The following POLA1 variants were observed in gnomAD, a reference collection of about 807,000 sequenced individuals.
POLA1 encodes the protein DNA polymerase alpha 1, catalytic subunit, also known as DNA polymerase alpha catalytic subunit.
POLA1 carries 15 observed loss-of-function variants against 124.0 expected under a neutral mutation model. That is an observed-to-expected ratio of 0.12 (90% CI 0.08 to 0.19). The LOEUF (loss-of-function observed/expected upper bound fraction) is 0.19. Ranked by LOEUF, POLA1 falls within the 10% of genes least tolerant of loss-of-function variation. The pLI is 1.00. For synonymous variants in POLA1, 408 were observed against 389.4 expected (o/e 1.05, Z -0.56); for missense variants, 886 against 1,103.4 (o/e 0.80, Z 2.79).
chrX:24,908,254 T>A (rs1354456006), intron 35 of POLA1, among the ~76,000 whole-genome samples: 5 of 111,023 alleles, frequency 4.5e-5, no homozygotes, highest in Non-Finnish European at 7.6e-5. Flanking sequence ...AATTTCTTTT[T>A]TTATTATTAT....
chrX:24,727,248 A>G (rs939631939), intron 14 of POLA1, among the ~76,000 whole-genome samples, 177 bp downstream of exon 14: 4 of 111,177 alleles, frequency 3.6e-5, no homozygotes, highest in Non-Finnish European at 5.7e-5. Flanking sequence ...TATCTCGGTA[A>G]TGCCTGGCGG....
At chrX:24,772,895 C>T (rs748914111) in intron 26 of POLA1, among the ~76,000 whole-genome samples, 26 of 111,829 alleles carry the variant, frequency 2.3e-4, no homozygotes, top group Non-Finnish European at 4.3e-4. Context: ...TTCATTGCAG[C>T]ACTATTCACA....
At chrX:24,843,512 G>A in intron 33 of POLA1, 34 bp from the exon 34 acceptor site, 1 of 1,110,067 alleles carries the variant, frequency 9.0e-7, no homozygotes, top group Non-Finnish European at 1.2e-6. Flanking sequence ...TAGCCTCACA[G>A]TAATTTTTTG....
At chrX:24,958,267 A>C (rs766870669) in intron 36 of POLA1, among the ~76,000 whole-genome samples, 5 of 111,504 alleles carry the variant, frequency 4.5e-5, no homozygotes, top group African/African-American at 1.6e-4. Flanking sequence ...CCCTGCTCCC[A>C]CTTCTCCTTT....
intron 4 of POLA1, among the ~76,000 whole-genome samples, chrX:24,712,731 A>T (rs1929545379): frequency 9.0e-6 from 1 of 111,446 alleles, no homozygotes; most frequent in Non-Finnish European, 1.9e-5. Context: ...GTTTTTGTAA[A>T]GTTTCATTTT....
chrX:24,699,799 G>T (rs778598506), intron 2 of POLA1, among the ~76,000 whole-genome samples: 56 of 109,107 alleles, frequency 5.1e-4, no homozygotes, highest in South Asian at 2.5e-3. Context: ...AAAGTACATA[G>T]TCATATCTAT....
chrX:24,993,157 C>T (rs1229209000), intron 36 of POLA1, among the ~76,000 whole-genome samples: 2 of 112,477 alleles, frequency 1.8e-5, no homozygotes, highest in Non-Finnish European at 3.8e-5. Flanking sequence ...AGGAGATTAG[C>T]TTTGCTGATG....
rs143099073 is a variant in POLA1 at position 24,847,690 on chromosome X, A to G, written c.4047+4013A>G. Among the ~76,000 whole-genome samples the G allele has an allele frequency of 6.3e-4, 71 of 112,225 alleles. 1 individual carries two copies. The highest frequency in any genetic ancestry group is 1.1e-3 in the Non-Finnish European group (60 of 53,296). On this transcript the variant is annotated intron_variant, in intron 34 of 36. Coordinates refer to ENST00000379068, the MANE Select transcript of POLA1 (RefSeq NM_001330360.2). ...TTTTCCTGAATTAAGCTTTTTGAGGACAGGGGCTGTGCTTTCTTTTCTGTT... is the reference window on the plus strand; with the variant it reads ...TTTTCCTGAATTAAGCTTTTTGAGGGCAGGGGCTGTGCTTTCTTTTCTGTT...
At chrX:24,702,655 G>T (rs746186592) in intron 2 of POLA1, among the ~76,000 whole-genome samples, 1 of 112,603 alleles carries the variant, frequency 8.9e-6, no homozygotes, top group Non-Finnish European at 1.9e-5. Flanking sequence ...AAGACCTGAG[G>T]ATGGTGGAGT....
intron 26 of POLA1, among the ~76,000 whole-genome samples, chrX:24,751,846 C>T (rs1208094937): frequency 9.0e-6 from 1 of 111,418 alleles, no homozygotes; most frequent in Non-Finnish European, 1.9e-5. Context: ...ACCTTTGTAA[C>T]TTATTAAACT....
chrX:24,790,772 A>G (rs2045474552), intron 26 of POLA1, among the ~76,000 whole-genome samples: 1 of 109,705 alleles, frequency 9.1e-6, no homozygotes, highest in South Asian at 3.9e-4. Context: ...AAAAATACAC[A>G]GAAGTAAAAT....
rs200673768 is a variant in POLA1 at position 24,723,195 on chromosome X, C to T, written c.1128C>T (p.Ala376=). The T allele has an allele frequency of 9.4e-5, 113 of 1,206,469 alleles. No individual in the cohort carries two copies. The highest frequency in any genetic ancestry group is 1.2e-4 in the Non-Finnish European group (104 of 891,880). ...TTGGGAAAGTTTGGATTGAATCAGC[C>T]GAGACCCATGTGAGCTGTTGTGTCA... is the stretch of plus-strand genomic sequence containing the variant. ...FLFGKVWIES[A]ETHVSCCVMV... The change falls in exon 11 of 37, where the codon GCC becomes GCT. Residue 376 remains alanine, a synonymous_variant. Transcript: ENST00000379068.
intron 36 of POLA1, among the ~76,000 whole-genome samples, chrX:24,995,527 A>G (rs1268989398): frequency 8.9e-6 from 1 of 112,228 alleles, no homozygotes; most frequent in Non-Finnish European, 1.9e-5. Context: ...TGTCTGCTGC[A>G]CATGAGGGTG....
chrX:24,932,681 A>G (rs1048534855), intron 36 of POLA1, among the ~76,000 whole-genome samples: 2 of 111,809 alleles, frequency 1.8e-5, no homozygotes, highest in Non-Finnish European at 3.8e-5. Flanking sequence ...AGAAAATAAG[A>G]CGAGAAGAGA....
Position 24,953,066 on chromosome X carries a change from C to G in POLA1, c.4261+22517C>G, listed in dbSNP as rs375528381. ...TTCACAATAATCTGCTGAATGGATG[C>G]TCTTATCCCCATTTTACAGATATAA... is the stretch of plus-strand genomic sequence containing the variant. On this transcript the variant is annotated intron_variant, in intron 36 of 36. Coordinates refer to ENST00000379068, the MANE Select transcript of POLA1 (RefSeq NM_001330360.2). Among the ~76,000 whole-genome samples the G allele has an allele frequency of 2.8e-4, 31 of 112,078 alleles. No individual in the cohort carries two copies. In the East Asian group the frequency reaches 8.7e-3, roughly 31 times the overall value.
chrX:24,844,590 A>C (rs2046452550), intron 34 of POLA1, among the ~76,000 whole-genome samples: 1 of 111,894 alleles, frequency 8.9e-6, no homozygotes, highest in South Asian at 3.7e-4. Context: ...TTTAAAATAG[A>C]ACTCATTATG....
intron 10 of POLA1, among the ~76,000 whole-genome samples, chrX:24,720,286 C>A (rs1215380711): frequency 8.9e-6 from 1 of 111,743 alleles, no homozygotes; most frequent in Non-Finnish European, 1.9e-5. Context: ...CATAGCCTTT[C>A]CCACTGTAGC....
At chrX:24,848,579 T>TAG (rs2046506731) in intron 34 of POLA1, among the ~76,000 whole-genome samples, 2 of 112,132 alleles carry the variant, frequency 1.8e-5, no homozygotes, top group African/African-American at 6.5e-5. Context: ...CCAAGCATAA[T>TAG]GTTGTTAAGC....
intron 36 of POLA1, among the ~76,000 whole-genome samples, chrX:24,989,786 T>C (rs1455241356): frequency 9.0e-6 from 1 of 111,401 alleles, no homozygotes; most frequent in Non-Finnish European, 1.9e-5. Context: ...TGTTTTCTGC[T>C]GGGGTAGTAA....
Sources: allele counts gnomAD v4.1 joint callset (sites outside exome capture counted in the v4.1 genomes callset), GRCh38; gene constraint gnomAD v4.1.1; transcripts MANE v1.5; gene names NCBI Gene and HGNC (gene_info 2026-07-23, HGNC 2026-07-21).